ADARB2: variants seen among roughly 807,000 people sequenced by gnomAD.
ADARB2 encodes inactive double-stranded RNA-specific editase B2.
Under a neutral mutation model 62.2 loss-of-function variants are expected in ADARB2, and 25 were observed. That is an observed-to-expected ratio of 0.40 (90% confidence interval 0.29 to 0.56). The LOEUF (loss-of-function observed/expected upper bound fraction) is 0.56, where lower values mean the gene tolerates loss of function less well. Ranked by LOEUF, ADARB2 falls within the 20% of genes least tolerant of loss-of-function variation. The probability of loss-of-function intolerance (pLI) is 0.43; values close to 1 mark genes in which losing one functional copy is unlikely to be tolerated. For missense variants in ADARB2, 1,071 were observed against 1,077.4 expected (o/e 0.99, Z 0.08); for synonymous variants, 572 against 500.8 (o/e 1.14, Z -1.90).
At chr10:1,572,418 T>C (rs1302343066) in intron 1 of ADARB2, among the ~76,000 whole-genome samples, 7 of 151,992 alleles carry the variant, frequency 4.6e-5, no homozygotes, top group Admixed American at 6.6e-5. Context: ...AGAGGGAAGA[T>C]AAAAATGGCT....
chr10:1,476,611 C>G (rs188301437), intron 1 of ADARB2, among the ~76,000 whole-genome samples: 131 of 152,290 alleles, frequency 8.6e-4, no homozygotes, highest in Non-Finnish European at 1.2e-3. Flanking sequence ...TTAAAGACAG[C>G]CTTCTTTTTA....
chr10:1,534,021 T>C (rs1291947676), intron 1 of ADARB2, among the ~76,000 whole-genome samples: 1 of 151,430 alleles, frequency 6.6e-6, no homozygotes, highest in African/African-American at 2.4e-5. Flanking sequence ...TTTTGATGAC[T>C]TTGATGGGGG....
At chr10:1,597,878 C>T (rs979544493) in intron 1 of ADARB2, among the ~76,000 whole-genome samples, 4 of 152,222 alleles carry the variant, frequency 2.6e-5, no homozygotes, top group South Asian at 2.1e-4. Context: ...CCTAAGTGTC[C>T]ATCAGCAATG....
chr10:1,233,294 T>C (rs1178424443), intron 6 of ADARB2, among the ~76,000 whole-genome samples: 1 of 152,198 alleles, frequency 6.6e-6, no homozygotes, highest in Non-Finnish European at 1.5e-5. Flanking sequence ...CCTGGCTTGG[T>C]TGCAAAAGCT....
chr10:1,515,470 A>G (rs563265528), intron 1 of ADARB2, among the ~76,000 whole-genome samples: 26 of 152,242 alleles, frequency 1.7e-4, no homozygotes, highest in Non-Finnish European at 3.5e-4. Context: ...GGGGACATTC[A>G]CACTGCAGAA....
intron 1 of ADARB2, among the ~76,000 whole-genome samples, chr10:1,448,697 C>T (rs1830999820): frequency 6.6e-6 from 1 of 152,172 alleles, no homozygotes; most frequent in African/African-American, 2.4e-5. Flanking sequence ...TGTAAGTTTC[C>T]CTCAGTCCAG....
At chr10:1,391,212 G>A (rs1489763026) in intron 1 of ADARB2, among the ~76,000 whole-genome samples, 1 of 152,168 alleles carries the variant, frequency 6.6e-6, no homozygotes, top group Admixed American at 6.5e-5. Flanking sequence ...CAACCCTAAA[G>A]AAAACACCTA....
chr10:1,308,073 A>C (rs1221927981), intron 3 of ADARB2, among the ~76,000 whole-genome samples: 4 of 122,792 alleles, frequency 3.3e-5, no homozygotes, highest in African/African-American at 1.0e-4. Flanking sequence ...TAAAACTTAA[A>C]GTATAATAAA....
At position 1,660,967 on chromosome 10, in the gene ADARB2, C is replaced by T. The variant is rs535596751; in HGVS notation, c.100+76084G>A. On this transcript the variant is annotated intron_variant, in intron 1 of 9. Coordinates refer to ENST00000381312, the MANE Select transcript of ADARB2 (RefSeq NM_018702.4). Reference sequence around the variant, plus strand: ...ACATTCCAACCCTGAGATAAACCCCCCCTCTGACCAGAAACATGCCAACCC... The same window carrying T: ...ACATTCCAACCCTGAGATAAACCCCTCCTCTGACCAGAAACATGCCAACCC... Among the ~76,000 whole-genome samples the T allele has an allele frequency of 8.4e-4, 128 of 152,272 alleles. 1 individual carries two copies. The highest frequency in any genetic ancestry group is 5.4e-3 in the East Asian group (28 of 5,182).
chr10:1,558,212 T>G (rs76939770), intron 1 of ADARB2, among the ~76,000 whole-genome samples: 35,117 of 149,956 alleles, frequency 0.23, 4,268 homozygotes, highest in African/African-American at 0.26. Context: ...ATCTAAATCT[T>G]CATCCCACCT....
At chr10:1,365,071 C>T (rs1421042245) in intron 2 of ADARB2, among the ~76,000 whole-genome samples, 1 of 151,966 alleles carries the variant, frequency 6.6e-6, no homozygotes, top group African/African-American at 2.4e-5. Context: ...GGGATTTCAC[C>T]GTGTTGGCTA....
At chr10:1,432,633 T>C (rs1371458827) in intron 1 of ADARB2, among the ~76,000 whole-genome samples, 1 of 151,640 alleles carries the variant, frequency 6.6e-6, no homozygotes, top group Non-Finnish European at 1.5e-5. Flanking sequence ...ACTTATTTCC[T>C]TTGTCTGGGA....
chr10:1,476,729 T>C (rs1050761023), intron 1 of ADARB2, among the ~76,000 whole-genome samples: 3 of 152,162 alleles, frequency 2.0e-5, no homozygotes, highest in East Asian at 3.9e-4. Context: ...ATTTGCCAAG[T>C]GCCAGGCACC....
rs189915213 is a variant in ADARB2 at position 1,477,817 on chromosome 10, C to T, written c.101-98657G>A. Among the ~76,000 whole-genome samples, 38 of 152,352 alleles carry T rather than the reference C, an allele frequency of 2.5e-4. No individual in the cohort carries two copies. The highest frequency in any genetic ancestry group is 1.5e-3 in the Admixed American group (23 of 15,304). ...TCTAACTTGGGACTTCTGTGGGCCA[C>T]ACATGTCTTTAACAATCCTGTGGCG... On this transcript the variant is annotated intron_variant, in intron 1 of 9. Coordinates refer to ENST00000381312, the MANE Select transcript of ADARB2 (RefSeq NM_018702.4). The surrounding 1 kb of genome is among the most constrained non-coding windows in gnomAD (Gnocchi z 4.5).
At chr10:1,589,698 G>A (rs1173008230) in intron 1 of ADARB2, among the ~76,000 whole-genome samples, 1 of 152,152 alleles carries the variant, frequency 6.6e-6, no homozygotes, top group Non-Finnish European at 1.5e-5. Flanking sequence ...GTATGAGATG[G>A]AGTCTCGCTC....
intron 1 of ADARB2, among the ~76,000 whole-genome samples, chr10:1,634,534 T>A (rs937386361): frequency 6.6e-6 from 1 of 152,224 alleles, no homozygotes; most frequent in African/African-American, 2.4e-5. Flanking sequence ...ATGTGTTTCT[T>A]CTGGAGTTTG....
chr10:1,314,916 A>G (rs1831724288), intron 3 of ADARB2, among the ~76,000 whole-genome samples: 1 of 152,182 alleles, frequency 6.6e-6, no homozygotes, highest in Admixed American at 6.5e-5. Context: ...AAAATTCCCC[A>G]GAATTTATTT....
intron 1 of ADARB2, among the ~76,000 whole-genome samples, chr10:1,457,974 C>G (rs535409506): frequency 1.3e-5 from 2 of 149,116 alleles, no homozygotes; most frequent in East Asian, 4.0e-4. Context: ...AGAACGTAAC[C>G]ATTTGCCTCA....
chr10:1,545,892 C>G (rs1301471078), intron 1 of ADARB2, among the ~76,000 whole-genome samples: 2 of 152,154 alleles, frequency 1.3e-5, no homozygotes, highest in African/African-American at 4.8e-5. Flanking sequence ...TTCAAACTGA[C>G]CCAACAGTCC....
Sources: allele counts gnomAD v4.1 joint callset (sites outside exome capture counted in the v4.1 genomes callset), GRCh38; gene constraint gnomAD v4.1.1; non-coding constraint Gnocchi (gnomAD v3.1); transcripts MANE v1.5; gene names NCBI Gene and HGNC (gene_info 2026-07-23, HGNC 2026-07-21).